Variants in YIPF1 observed in about 807,000 individuals in gnomAD.
YIPF1 encodes protein YIPF1.
Under a neutral mutation model 37.0 loss-of-function variants are expected in YIPF1, and 22 were observed. The observed-to-expected ratio is 0.59, with a 90% confidence interval of 0.42 to 0.85. YIPF1 has a LOEUF of 0.85. Among genes scored for constraint, YIPF1 ranks in the 40% least tolerant of loss-of-function variants. YIPF1 has a pLI of 0.00. For missense variants in YIPF1, 355 were observed against 373.1 expected, an observed-to-expected ratio of 0.95 and a Z score of 0.40; for synonymous variants, 128 against 131.9, an observed-to-expected ratio of 0.97 and a Z score of 0.21.
At chr1:53,852,782 C>CA (rs10708560) in intron 10 of YIPF1, among the ~76,000 whole-genome samples, 91 of 144,934 alleles carry the variant, frequency 6.3e-4, no homozygotes, top group Middle Eastern at 3.5e-3. Context: ...AATAGGGGGC[C>CA]AAAAAAAAAA....
At position 53,852,012 on chromosome 1, in the gene YIPF1, T is replaced by G. The variant is rs1416329147; in HGVS notation, c.*267A>C. 1 of 152,240 alleles carries G rather than the reference T, an allele frequency of 6.6e-6. No individual in the cohort carries two copies. Among genetic ancestry groups the G allele is most frequent in the Non-Finnish European group, 1.5e-5 (1 of 68,068 alleles). The allele number at this position is 152,240 out of a possible 1,614,324, so 9.4% of individuals were successfully genotyped here. ...GCAAAGGGACGGCACTGAGCATGCCTAACCTATTCCCTGGCATTTCAGTCC... is the reference window on the plus strand; with the variant it reads ...GCAAAGGGACGGCACTGAGCATGCCGAACCTATTCCCTGGCATTTCAGTCC... On this transcript the variant is annotated 3_prime_UTR_variant, in exon 11 of 11. Coordinates refer to ENST00000072644, the MANE Select transcript of YIPF1 (RefSeq NM_018982.5).
intron 3 of YIPF1, 35 bp from the exon 4 acceptor site, chr1:53,883,311 C>T (rs762581952): frequency 6.7e-7 from 1 of 1,494,112 alleles, no homozygotes; most frequent in South Asian, 1.4e-5. Context: ...CCTCAGAAAC[C>T]TTACCCACAC....
Position 53,871,313 on chromosome 1 carries a change from A to G in YIPF1, c.481+59T>C, listed in dbSNP as rs1205513808. 4.6e-6 allele frequency: 7 copies of G among 1,507,054 alleles called. No homozygotes were observed. The East Asian group carries it at 1.1e-4, about 24-fold the overall frequency. 93.4% of individuals were successfully genotyped at this position (1,507,054 alleles called of 1,614,324 possible). A position where few individuals can be genotyped will look rare whatever the true frequency, so the allele number is the denominator to read the frequency against. ...GATGGGGCCCAGGAGCTCAGTGGGT[A>G]AAAAGAACTCAAAGCTAGAAACTGA... is the stretch of plus-strand genomic sequence containing the variant. On this transcript the variant is annotated intron_variant, in intron 7 of 10. Transcript: ENST00000072644.
At chr1:53,873,114 A>G (rs1313466790) in intron 6 of YIPF1, among the ~76,000 whole-genome samples, 1 of 152,166 alleles carries the variant, frequency 6.6e-6, no homozygotes, top group Non-Finnish European at 1.5e-5. Context: ...CTCAGTCATT[A>G]TTTACTAAGT....
At chr1:53,871,581 T>A in intron 6 of YIPF1, 93 bp from the exon 7 acceptor site, 1 of 1,088,392 alleles carries the variant, frequency 9.2e-7, no homozygotes, top group Admixed American at 2.3e-5. Context: ...TGTATTCATG[T>A]TAGCAAAAGA....
chr1:53,888,463 G>T (rs1281754090), intron 3 of YIPF1, among the ~76,000 whole-genome samples: 1 of 152,140 alleles, frequency 6.6e-6, no homozygotes, highest in Non-Finnish European at 1.5e-5. Flanking sequence ...CCGGTTCCTG[G>T]TCACAACCAG....
intron 10 of YIPF1, among the ~76,000 whole-genome samples, chr1:53,855,822 C>T (rs1649704695): frequency 6.6e-6 from 1 of 152,198 alleles, no homozygotes; most frequent in Non-Finnish European, 1.5e-5. Context: ...TTAAGCAATG[C>T]ATGACTGTAA....
At chr1:53,861,698 G>GGGGA (rs1649886018) in intron 9 of YIPF1, among the ~76,000 whole-genome samples, 1 of 139,262 alleles carries the variant, frequency 7.2e-6, no homozygotes, top group African/African-American at 2.6e-5. Context: ...GAGAGGGAGG[G>GGGGA]AGGGAGGGAG....
intron 7 of YIPF1, among the ~76,000 whole-genome samples, chr1:53,867,405 C>T (rs1650059423): frequency 7.8e-6 from 1 of 128,104 alleles, no homozygotes; most frequent in Admixed American, 9.2e-5. Context: ...CAGAGTCTTG[C>T]TCTGTCGCCC....
intron 6 of YIPF1, among the ~76,000 whole-genome samples, chr1:53,873,267 G>A (rs1006899334): frequency 1.3e-5 from 2 of 152,116 alleles, no homozygotes; most frequent in African/African-American, 4.8e-5. Flanking sequence ...GAGCATATAG[G>A]GAAGGTGGAA....
rs116632558 is a variant in YIPF1, at chr1:53,856,478, G to A, written c.*8+3578C>T. 7.1e-3 allele frequency among the ~76,000 whole-genome samples: 1,077 copies of A among 152,254 alleles called. 11 individuals are homozygous for A. The highest frequency in any genetic ancestry group is 0.024 in the African/African-American group (1,001 of 41,556). On this transcript the variant is annotated intron_variant, in intron 10 of 10. Transcript: ENST00000072644. ...GTCCCTCTCCAGCTGGGCTCGAATT[G>A]TCTCGTTCTCAGTGATGTGAGTCCA...
intron 8 of YIPF1, 42 bp downstream of exon 8, chr1:53,866,716 C>CAGAG (rs1392014783): frequency 1.3e-6 from 2 of 1,574,076 alleles, no homozygotes; most frequent in Admixed American, 1.8e-5. Flanking sequence ...CTACCAAGAA[C>CAGAG]AGAGCATCAC....
At chr1:53,876,864 C>T (rs1650349607) in intron 6 of YIPF1, among the ~76,000 whole-genome samples, 1 of 152,198 alleles carries the variant, frequency 6.6e-6, no homozygotes, top group Non-Finnish European at 1.5e-5. Context: ...TTATTGCTAA[C>T]TCTGTAACTA....
At position 53,873,112 on chromosome 1, in the gene YIPF1, T is replaced by C. The variant is rs75064844; in HGVS notation, c.365-1624A>G. On this transcript the variant is annotated intron_variant, in intron 6 of 10. Coordinates refer to ENST00000072644, the MANE Select transcript of YIPF1 (RefSeq NM_018982.5). ...CAAGAATATTATGTCCTCTCAGTCA[T>C]TATTTACTAAGTACCCACTACCCTC... 7.9e-3 allele frequency among the ~76,000 whole-genome samples: 1,197 copies of C among 152,282 alleles called. 10 individuals carry two copies. The highest frequency in any genetic ancestry group is 0.028 in the African/African-American group (1,154 of 41,550).
intron 4 of YIPF1, among the ~76,000 whole-genome samples, chr1:53,881,611 A>C (rs1260336787): frequency 6.6e-6 from 1 of 152,228 alleles, no homozygotes; most frequent in Non-Finnish European, 1.5e-5. Flanking sequence ...CATATGAAAG[A>C]AAGCTCAATA....
At chr1:53,853,281 G>A (rs1035090808) in intron 10 of YIPF1, among the ~76,000 whole-genome samples, 1 of 152,162 alleles carries the variant, frequency 6.6e-6, no homozygotes, top group African/African-American at 2.4e-5. Context: ...CTTGCCAGGC[G>A]AGGGTGTAAT....
intron 3 of YIPF1, among the ~76,000 whole-genome samples, chr1:53,885,676 C>G (rs528489223): frequency 5.3e-5 from 8 of 151,618 alleles, no homozygotes; most frequent in Non-Finnish European, 1.0e-4. Context: ...TAAAAATTAG[C>G]TAGGCATGTT....
intron 10 of YIPF1, among the ~76,000 whole-genome samples, chr1:53,857,687 A>G (rs1167969936): frequency 1.3e-5 from 2 of 152,124 alleles, no homozygotes; most frequent in African/African-American, 4.8e-5. Flanking sequence ...ATAAACTAGG[A>G]AATGTTTTGT....
intron 9 of YIPF1, among the ~76,000 whole-genome samples, chr1:53,862,123 A>G (rs1294581104): frequency 6.6e-6 from 1 of 152,338 alleles, no homozygotes; most frequent in Admixed American, 6.5e-5. Flanking sequence ...GGGAATGCCT[A>G]CTGTGCACCA....
Sources: allele counts gnomAD v4.1 joint callset (sites outside exome capture counted in the v4.1 genomes callset), GRCh38; gene constraint gnomAD v4.1.1; transcripts MANE v1.5; gene names NCBI Gene and HGNC (gene_info 2026-07-23, HGNC 2026-07-21).